The following TNXB variants were observed in gnomAD, a reference collection of about 807,000 sequenced individuals.
TNXB encodes tenascin-X.
A neutral mutation model predicts 340.5 loss-of-function variants in TNXB; 183 were observed. The observed-to-expected ratio is 0.54, with a 90% CI of 0.48 to 0.61. The LOEUF is 0.61. TNXB is among the 20% of genes least tolerant of loss of function. The pLI, the probability that TNXB is intolerant of heterozygous loss-of-function variation, is 0.00. For synonymous variants in TNXB, 2,121 were observed against 2,314.5 expected (o/e 0.92, Z 2.40); for missense variants, 4,613 against 5,446.4 (o/e 0.85, Z 4.82).
rs566574989 is a variant in TNXB, at chr6:32,070,642, G to C, written c.4991-228C>G. Among the ~76,000 whole-genome samples the C allele has an allele frequency of 2.0e-5, 3 of 152,232 alleles. No homozygotes were observed. The highest frequency in any genetic ancestry group is 7.2e-5 in the African/African-American group (3 of 41,548). On this transcript the variant is annotated intron_variant, in intron 13 of 43. Coordinates refer to ENST00000644971, the MANE Select transcript of TNXB (RefSeq NM_001365276.2). This position sits in a 1 kb window ranked among gnomAD's most constrained non-coding sequence, Gnocchi z 6.0. ...CACCTCCAGGAAAAGAGATTCCCTA[G>C]CTCCCTGCCTCATCTTACTCCCCTT... is the stretch of plus-strand genomic sequence containing the variant.
Position 32,058,012 on chromosome 6 carries a change from T to C in TNXB, c.7825+46A>G, listed in dbSNP as rs1359787246. 1 of 1,553,668 alleles carries C rather than the reference T, an allele frequency of 6.4e-7. No homozygotes were observed. The highest frequency in any genetic ancestry group is 1.4e-5 in the African/African-American group (1 of 72,602). ...TAGGAAAATGGTAGAGAAGGGCACA[T>C]TTTCTAGGGCTGTCTTCCAACCCTG... On this transcript the variant is annotated intron_variant, in intron 22 of 43. Coordinates refer to ENST00000644971, the MANE Select transcript of TNXB (RefSeq NM_001365276.2). This position sits in a 1 kb window ranked among gnomAD's most constrained non-coding sequence, Gnocchi z 5.1.
Position 32,068,031 on chromosome 6 carries a change from G to C in TNXB, c.6221-47C>G. 4 of 1,584,950 alleles carry C rather than the reference G, an allele frequency of 2.5e-6. No homozygotes were observed. Among genetic ancestry groups the C allele is most frequent in the Non-Finnish European group, 3.4e-6 (4 of 1,164,264 alleles). ...TGAGGGGGATGTCCTTGGGTACTGG[G>C]GAAAAGGAGGGAGAAGCCAAGGCTA... On this transcript the variant is annotated intron_variant, in intron 17 of 43. Coordinates refer to ENST00000644971, the MANE Select transcript of TNXB (RefSeq NM_001365276.2). The surrounding 1 kb of genome is among the most constrained non-coding windows in gnomAD (Gnocchi z 5.3).
In TNXB at chr6:32,095,972, C is replaced by T; in HGVS notation, c.1881G>A (p.Gly627=). ...AGCGCCCTTCCTCACAGCGGCCCCT[C>T]CCGTGGCAGTTGGAGGGGCAGGTGC... The part of the protein sequence containing the change: ...SIRTCPSNCH[G]RGRCEEGRCL... The change falls in exon 3 of 44, where the codon GGG becomes GGA. Residue 627 remains glycine (G), a synonymous_variant. Transcript: ENST00000644971. 6.2e-7 allele frequency: 1 copy of T among 1,613,018 alleles called. No homozygotes were observed.
chr6:32,096,716 G>A lies in TNXB; in HGVS notation c.1137C>T (p.Gly379=). The change falls in exon 3 of 44, where the codon GGC becomes GGT. Residue 379 remains glycine, a synonymous_variant. Coordinates refer to ENST00000644971, the MANE Select transcript of TNXB (RefSeq NM_001365276.2). ...ATTCGCCGTCCTCGCAGCGCCCGCG[G>A]CCCCGGCAGTCCCTCGGACATGTCC... The part of the protein sequence containing the change: ...STRTCPRDCR[G]RGRCEDGECI... 1 of 1,547,594 alleles carries A rather than the reference G, an allele frequency of 6.5e-7. No individual in the cohort carries two copies. Among genetic ancestry groups the A allele is most frequent in the Non-Finnish European group, 8.7e-7 (1 of 1,149,580 alleles).
chr6:32,058,684 C>G lies in TNXB; in HGVS notation c.7493-294G>C, dbSNP rs1777834136. Among the ~76,000 whole-genome samples the G allele has an allele frequency of 6.6e-6, 1 of 151,872 alleles. No individual in the cohort carries two copies. Among genetic ancestry groups the G allele is most frequent in the South Asian group, 2.1e-4 (1 of 4,830 alleles). ...TTCCTTTGACCCAATAATCCCAGTT[C>G]TGGGCATCTGTCCTAAGAAAATTAT... is the stretch of plus-strand genomic sequence containing the variant. On this transcript the variant is annotated intron_variant, in intron 21 of 43. Coordinates refer to ENST00000644971, the MANE Select transcript of TNXB (RefSeq NM_001365276.2). The surrounding 1 kb of genome is among the most constrained non-coding windows in gnomAD (Gnocchi z 5.1).
chr6:32,048,389 C>G lies in TNXB; in HGVS notation c.10019G>C (p.Gly3340Ala). 1 of 1,523,980 alleles carries G rather than the reference C, an allele frequency of 6.6e-7. No individual in the cohort carries two copies. The highest frequency in any genetic ancestry group is 1.4e-5 in the African/African-American group (1 of 73,166). The allele number at this position is 1,523,980 out of a possible 1,614,324, so 94.4% of individuals were successfully genotyped here. A position where few individuals can be genotyped will look rare whatever the true frequency, so the allele number is the denominator to read the frequency against. Reference protein sequence around the residue: ...LFGLQNGKRHGPVPVEARTAP... With the variant: ...LFGLQNGKRHAPVPVEARTAP... Reference sequence around the variant, plus strand: ...GGTCCTGGCCTCCACAGGGACTGGGCCGTGGCGTTTCCCATTCTGGAGTCC... The same window carrying G: ...GGTCCTGGCCTCCACAGGGACTGGGGCGTGGCGTTTCCCATTCTGGAGTCC... Residue 3340 changes from glycine (G) to alanine (A), a missense_variant, in exon 29 of 44, where the codon GGC becomes GCC. Transcript: ENST00000644971.
chr6:32,069,546 C>T lies in TNXB; in HGVS notation c.5587+7G>A. 1 of 1,553,512 alleles carries T rather than the reference C, an allele frequency of 6.4e-7. No individual in the cohort carries two copies. The highest frequency in any genetic ancestry group is 8.7e-7 in the Non-Finnish European group (1 of 1,146,172). On this transcript the variant is annotated splice_region_variant and intron_variant, in intron 15 of 43. Coordinates refer to ENST00000644971, the MANE Select transcript of TNXB (RefSeq NM_001365276.2). This position sits in a 1 kb window ranked among gnomAD's most constrained non-coding sequence, Gnocchi z 6.2. ...AGGCACAGGTGTTCCAGCTGCCGCA[C>T]ACTCACCAGTAATGGCGACGGCCGA...
Position 32,082,048 on chromosome 6 carries a change from C to A in TNXB, c.3724G>T (p.Asp1242Tyr). The A allele has an allele frequency of 6.2e-7, 1 of 1,603,640 alleles. No individual in the cohort carries two copies. The highest frequency in any genetic ancestry group is 1.1e-5 in the South Asian group (1 of 89,428). Residue 1242 changes from aspartate to tyrosine, a missense_variant, in exon 9 of 44, where the codon GAT becomes TAT. Around this residue, in one of 7 missense-constraint regions of TNXB, gnomAD observed 4,327 missense variants for 4,859.4 expected, o/e 0.89. Transcript: ENST00000644971. This position sits in a 1 kb window ranked among gnomAD's most constrained non-coding sequence, Gnocchi z 5.0. ...NKKRYGPLTA[D>Y]GTTAPERKEE... Reference sequence around the variant, plus strand: ...GGCTGCTACTCACCAGTGGTGCCATCGGCCGTGAGGGGGCCATACCGCTTC... The same window carrying A: ...GGCTGCTACTCACCAGTGGTGCCATAGGCCGTGAGGGGGCCATACCGCTTC...
In TNXB at chr6:32,087,241, C is replaced by T. The variant is rs1311827005; in HGVS notation, c.2780-1123G>A. On this transcript the variant is annotated intron_variant, in intron 6 of 43. Coordinates refer to ENST00000644971, the MANE Select transcript of TNXB (RefSeq NM_001365276.2). The surrounding 1 kb of genome is among the most constrained non-coding windows in gnomAD (Gnocchi z 9.0). ...AGGGATAGGTGTCCCGTGGCCCCAG[C>T]CCACACTACCTGTGGTGGTGATGAA... The T allele has an allele frequency of 6.0e-6, 3 of 500,014 alleles. No individual in the cohort carries two copies. The highest frequency in any genetic ancestry group is 1.2e-5 in the Non-Finnish European group (3 of 251,600). 31.0% of individuals were successfully genotyped at this position (500,014 alleles called of 1,614,324 possible). A position where few individuals can be genotyped will look rare whatever the true frequency, so the allele number is the denominator to read the frequency against.
At chr6:32,053,031 TG>T (rs755767611) in intron 25 of TNXB, 38 bp from the exon 26 acceptor site, 1 of 1,588,306 alleles carries the variant, frequency 6.3e-7, no homozygotes, top group Non-Finnish European at 8.6e-7. Context: ...GCAGCTTCCC[TG>T]GGGGATGTCC....
chr6:32,061,328 A>AG lies in TNXB; in HGVS notation c.7492+68dup, dbSNP rs1013036169. 96 of 1,564,570 alleles carry AG rather than the reference A, an allele frequency of 6.1e-5. 3 individuals are homozygous for AG. In the African/African-American group the frequency reaches 1.3e-3, roughly 21 times the overall value. On this transcript the variant is annotated intron_variant, in intron 21 of 43. Coordinates refer to ENST00000644971, the MANE Select transcript of TNXB (RefSeq NM_001365276.2). The surrounding 1 kb of genome is among the most constrained non-coding windows in gnomAD (Gnocchi z 4.4). ...GTCTGGACCCACAGGGCTTGGTGAA[A>AG]GGGCACAGCAGTAAACCAGGTACCC... is the stretch of plus-strand genomic sequence containing the variant.
intron 1 of TNXB, among the ~76,000 whole-genome samples, chr6:32,107,675 G>T (rs1781048735): frequency 6.6e-6 from 1 of 152,134 alleles, no homozygotes; most frequent in Non-Finnish European, 1.5e-5. Context: ...TGGGTATTTT[G>T]TGTTGTAGCC....
chr6:32,097,481 C>A lies in TNXB; in HGVS notation c.404-32G>T. On this transcript the variant is annotated intron_variant, in intron 2 of 43. Coordinates refer to ENST00000644971, the MANE Select transcript of TNXB (RefSeq NM_001365276.2). This position sits in a 1 kb window ranked among gnomAD's most constrained non-coding sequence, Gnocchi z 5.9. Reference sequence around the variant, plus strand: ...TAGGAGGGGAGAGGCAAGTCTCAGTCTCTCTCCTGGGAGAGAGGCTGAGCC... The same window carrying A: ...TAGGAGGGGAGAGGCAAGTCTCAGTATCTCTCCTGGGAGAGAGGCTGAGCC... The A allele has an allele frequency of 6.4e-7, 1 of 1,567,776 alleles. No individual in the cohort carries two copies. The highest frequency in any genetic ancestry group is 1.2e-5 in the South Asian group (1 of 85,482).
At position 32,096,111 on chromosome 6, in the gene TNXB, G is replaced by A; in HGVS notation, c.1742C>T (p.Ser581Phe). The A allele has an allele frequency of 1.2e-6, 2 of 1,607,098 alleles. No individual in the cohort carries two copies. Among genetic ancestry groups the A allele is most frequent in the Non-Finnish European group, 1.7e-6 (2 of 1,177,632 alleles). Residue 581 changes from serine to phenylalanine, a missense_variant, in exon 3 of 44, where the codon TCT becomes TTT. Physicochemically the swap from Ser to Phe is radical, Grantham distance 155. Coordinates refer to ENST00000644971, the MANE Select transcript of TNXB (RefSeq NM_001365276.2). ...CTGCCTCACACCGCAATCCTCGCCA[G>A]AGTAGCCGTCCTCGCACACACACCG... is the stretch of plus-strand genomic sequence containing the variant. ...DGRCVCEDGY[S>F]GEDCGVRQCP...
intron 1 of TNXB, among the ~76,000 whole-genome samples, chr6:32,099,399 A>G (rs970028944): frequency 2.6e-5 from 4 of 151,968 alleles, no homozygotes; most frequent in Non-Finnish European, 5.9e-5. Flanking sequence ...TGCCCAGCTA[A>G]TTTTTGTATT....
In TNXB at chr6:32,069,323, A is replaced by G. The variant is rs1443450300; in HGVS notation, c.5588-187T>C. Among the ~76,000 whole-genome samples, 2 of 152,254 alleles carry G rather than the reference A, an allele frequency of 1.3e-5. No individual in the cohort carries two copies. Among genetic ancestry groups the G allele is most frequent in the African/African-American group, 2.4e-5 (1 of 41,474 alleles). On this transcript the variant is annotated intron_variant, in intron 15 of 43. Coordinates refer to ENST00000644971, the MANE Select transcript of TNXB (RefSeq NM_001365276.2). This position sits in a 1 kb window ranked among gnomAD's most constrained non-coding sequence, Gnocchi z 6.2. Reference sequence around the variant, plus strand: ...AGAAATGAAACACAAGAGACTGCGTATTGTGATTCCATTACATGGAGAGTC... The same window carrying G: ...AGAAATGAAACACAAGAGACTGCGTGTTGTGATTCCATTACATGGAGAGTC...
chr6:32,042,428 A>T lies in TNXB; in HGVS notation c.12210+27T>A. The T allele has an allele frequency of 2.5e-6, 4 of 1,608,744 alleles. No homozygotes were observed. The South Asian group carries it at 3.3e-5, about 13-fold the overall frequency. ...GGGCAACAGACCCTGCCCTGCACAG[A>T]CCCCTGGGCTTCCCAATGCCACCCA... On this transcript the variant is annotated intron_variant, in intron 40 of 43. Transcript: ENST00000644971.
Position 32,056,920 on chromosome 6 carries a change from A to G in TNXB, c.7826-17T>C, listed in dbSNP as rs372798701. 3.1e-6 allele frequency: 5 copies of G among 1,606,436 alleles called. No individual in the cohort carries two copies. Among genetic ancestry groups the G allele is most frequent in the Non-Finnish European group, 3.4e-6 (4 of 1,174,574 alleles). ...CTTCATCCTCTGGAGTTGGACAGAC[A>G]CGTGTGGGGACAGTGAGGTCCCTGG... On this transcript the variant is annotated splice_polypyrimidine_tract_variant and intron_variant, in intron 22 of 43. Coordinates refer to ENST00000644971, the MANE Select transcript of TNXB (RefSeq NM_001365276.2).
intron 1 of TNXB, among the ~76,000 whole-genome samples, chr6:32,107,301 A>G (rs529104999): frequency 1.4e-3 from 219 of 152,234 alleles, no homozygotes; most frequent in Non-Finnish European, 2.3e-3. Context: ...GGAAGGAGTG[A>G]AGAGAGCTCA....
Sources: allele counts gnomAD v4.1 joint callset (sites outside exome capture counted in the v4.1 genomes callset), GRCh38; gene constraint gnomAD v4.1.1; regional missense constraint gnomAD v4.1.1; non-coding constraint Gnocchi (gnomAD v3.1); transcripts MANE v1.5; gene names NCBI Gene and HGNC (gene_info 2026-07-23, HGNC 2026-07-21).